Variants in CC2D2A observed in about 807,000 individuals in gnomAD.
CC2D2A encodes the protein coiled-coil and C2 domain-containing protein 2A.
Under a neutral mutation model 212.9 loss-of-function variants are expected in CC2D2A, and 155 were observed. The ratio of observed to expected loss-of-function variants is 0.73; its 90% CI spans 0.64 to 0.83. The LOEUF (loss-of-function observed/expected upper bound fraction) is 0.83. Ranked by LOEUF, CC2D2A falls within the 40% of genes least tolerant of loss-of-function variation. The probability of loss-of-function intolerance (pLI) is 0.00; values close to 1 mark genes in which losing one functional copy is unlikely to be tolerated. For missense variants in CC2D2A, 1,856 were observed against 1,956.2 expected, an observed-to-expected ratio of 0.95 and a Z score of 0.97; for synonymous variants, 667 against 686.5, an observed-to-expected ratio of 0.97 and a Z score of 0.44.
chr4:15,514,829 G>A lies in CC2D2A; in HGVS notation c.840G>A (p.Gln280=). The part of the protein sequence containing the change: ...ADYESIHDRL[Q]MEREMLFIPS... The stretch of plus-strand genomic sequence containing the variant: ...ATGAAAGCATCCATGATCGGCTGCA[G>A]ATGGAAAGAGAAATGCTCTTCATAC... The change falls in exon 9 of 37, where the codon CAG becomes CAA. Residue 280 remains glutamine, a synonymous_variant. Transcript: ENST00000424120. The A allele has an allele frequency of 8.7e-6, 14 of 1,613,966 alleles. No homozygotes were observed. Among genetic ancestry groups the A allele is most frequent in the Non-Finnish European group, 1.2e-5 (14 of 1,179,838 alleles).
At chr4:15,476,728 T>C (rs1577306368) in intron 2 of CC2D2A, among the ~76,000 whole-genome samples, 1 of 152,224 alleles carries the variant, frequency 6.6e-6, no homozygotes, top group African/African-American at 2.4e-5. Context: ...TGTAGACACC[T>C]GCTAATACAA....
At position 15,470,689 on chromosome 4, in the gene CC2D2A, C is replaced by A. The variant is rs6822234; in HGVS notation, c.-19+632C>A. On this transcript the variant is annotated intron_variant, in intron 1 of 36. Transcript: ENST00000424120. Reference sequence around the variant, plus strand: ...TCTCTCTCTCTCTCTCTCTCTCTCTCTATATATATATATATATATATATAT... The same window carrying A: ...TCTCTCTCTCTCTCTCTCTCTCTCTATATATATATATATATATATATATAT... Among the ~76,000 whole-genome samples the A allele has an allele frequency of 1.1e-3, 58 of 50,650 alleles. 1 individual carries two copies. The highest frequency in any genetic ancestry group is 3.3e-3 in the African/African-American group (36 of 10,892). 33.2% of individuals were successfully genotyped at this position (50,650 alleles called of 152,430 possible).
chr4:15,570,692 T>A (rs1443230618), intron 28 of CC2D2A, among the ~76,000 whole-genome samples, 196 bp downstream of exon 28: 1 of 152,036 alleles, frequency 6.6e-6, no homozygotes, highest in African/African-American at 2.4e-5. Flanking sequence ...CCATCTCTAC[T>A]AAAGATACAA....
Position 15,533,255 on chromosome 4 carries a change from TAA to T in CC2D2A, c.1532_1533del (p.Lys511SerfsTer29). On this transcript the variant is annotated frameshift_variant, in exon 14 of 37. Transcript: ENST00000424120. LOFTEE classifies it high-confidence loss of function. ...GATAGAACATTGCTTAAGACTATCA[TAA>T]AAGTTTGGAAAGAGATGAAATCCCT... 1 of 1,603,014 alleles carries T rather than the reference TAA, an allele frequency of 6.2e-7. No individual in the cohort carries two copies. The highest frequency in any genetic ancestry group is 1.1e-5 in the South Asian group (1 of 87,740).
At chr4:15,493,557 G>A (rs1012835567) in intron 4 of CC2D2A, among the ~76,000 whole-genome samples, 2 of 152,120 alleles carry the variant, frequency 1.3e-5, no homozygotes, top group African/African-American at 2.4e-5. Context: ...ACAGGCTTGA[G>A]TCACTGCATC....
chr4:15,483,674 C>T (rs1285824956), intron 4 of CC2D2A, among the ~76,000 whole-genome samples: 1 of 152,204 alleles, frequency 6.6e-6, no homozygotes, highest in Admixed American at 6.5e-5. Flanking sequence ...AATCCACACT[C>T]TCTTATTTAT....
At chr4:15,510,277 T>C in intron 7 of CC2D2A, 37 bp downstream of exon 7, 1 of 1,571,452 alleles carries the variant, frequency 6.4e-7, no homozygotes, top group Non-Finnish European at 8.7e-7. Flanking sequence ...TTTGTTTGTT[T>C]GTGTTTTTTA....
rs181506508 is a variant in CC2D2A, at chr4:15,509,252, T to C, written c.439-887T>C. Among the ~76,000 whole-genome samples the C allele has an allele frequency of 4.0e-5, 6 of 151,348 alleles. No individual in the cohort carries two copies. In the Admixed American group the frequency reaches 4.0e-4, roughly 10 times the overall value. On this transcript the variant is annotated intron_variant, in intron 6 of 36. Coordinates refer to ENST00000424120, the MANE Select transcript of CC2D2A (RefSeq NM_001378615.1). ...AAATGATCCTCTGTGAAGTGGATAA[T>C]CTTAATTTATAGGATGAGATAACAC...
At chr4:15,502,338 T>A (rs1715999032) in intron 4 of CC2D2A, 91 bp from the exon 5 acceptor site, 1 of 985,770 alleles carries the variant, frequency 1.0e-6, no homozygotes, top group Non-Finnish European at 1.5e-6. Flanking sequence ...CCTTCCCTTT[T>A]GGGGGGAGGG....
At chr4:15,490,952 C>A (rs530950842) in intron 4 of CC2D2A, among the ~76,000 whole-genome samples, 1 of 152,114 alleles carries the variant, frequency 6.6e-6, no homozygotes, top group African/African-American at 2.4e-5. Flanking sequence ...CCCCCTCACA[C>A]GGACCGCCTT....
chr4:15,567,501 C>G lies in CC2D2A; in HGVS notation c.3288+19C>G, dbSNP rs1719939929. The G allele has an allele frequency of 6.3e-7, 1 of 1,595,266 alleles. No individual in the cohort carries two copies. Among genetic ancestry groups the G allele is most frequent in the Non-Finnish European group, 8.6e-7 (1 of 1,165,918 alleles). On this transcript the variant is annotated intron_variant, in intron 25 of 36. Coordinates refer to ENST00000424120, the MANE Select transcript of CC2D2A (RefSeq NM_001378615.1). ...CGGCCAGGTGAGAGATGCTGGACTT[C>G]AGCTTTCCACCTTGCCCCTTAAGTT...
intron 29 of CC2D2A, among the ~76,000 whole-genome samples, chr4:15,575,162 TCAA>T (rs1204205577): frequency 6.6e-6 from 1 of 152,192 alleles, no homozygotes; most frequent in Non-Finnish European, 1.5e-5. Context: ...AGTAATAACA[TCAA>T]CAACAACCAC....
chr4:15,519,879 G>T, intron 11 of CC2D2A: 1 of 277,828 alleles, frequency 3.6e-6, no homozygotes, highest in Non-Finnish European at 7.3e-6. Flanking sequence ...AGTTTTGGGT[G>T]GGGACACAGC....
chr4:15,516,661 G>A lies in CC2D2A; in HGVS notation c.1054G>A (p.Ala352Thr), dbSNP rs1716888471. 6 of 1,613,126 alleles carry A rather than the reference G, an allele frequency of 3.7e-6. No individual in the cohort carries two copies. Among genetic ancestry groups the A allele is most frequent in the Non-Finnish European group, 5.1e-6 (6 of 1,179,418 alleles). The change falls in exon 11 of 37, where the codon GCT becomes ACT. Residue 352 changes from alanine to threonine, a missense_variant. Physicochemically the swap from Ala to Thr is moderately conservative, Grantham distance 58. Transcript: ENST00000424120. ...RWFGDDGRILALPNPIKPFPS... is the reference protein window; with the variant it reads ...RWFGDDGRILTLPNPIKPFPS... The stretch of plus-strand genomic sequence containing the variant: ...GTTTGGAGATGACGGCAGGATCCTA[G>A]CTCTGCCAAACCCCATCAAGCCATT...
chr4:15,579,077 T>G (rs1720538135), intron 29 of CC2D2A, among the ~76,000 whole-genome samples: 1 of 152,224 alleles, frequency 6.6e-6, no homozygotes, highest in African/African-American at 2.4e-5. Context: ...TTATTTTTGT[T>G]AGTAGCAGCT....
intron 3 of CC2D2A, chr4:15,479,350 G>C (rs1390204155): frequency 6.6e-7 from 1 of 1,513,224 alleles, no homozygotes; most frequent in Non-Finnish European, 8.9e-7. Context: ...GTAAGAAGTT[G>C]TCCTCTGAGA....
rs1716850134 is a variant in CC2D2A, at chr4:15,516,005, G to GT, written c.1017+2dup. The GT allele has an allele frequency of 1.3e-6, 2 of 1,590,048 alleles. No homozygotes were observed. Among genetic ancestry groups the GT allele is most frequent in the African/African-American group, 1.3e-5 (1 of 74,376 alleles). ...GAACAGATTGCTGATGCAGGACCCC[G>GT]TAAGTGTGCACCCTCTGCTCTCAGG... On this transcript the variant is annotated splice_donor_variant, in intron 10 of 36. Coordinates refer to ENST00000424120, the MANE Select transcript of CC2D2A (RefSeq NM_001378615.1). LOFTEE classifies it high-confidence loss of function.
At position 15,601,475 on chromosome 4, in the gene CC2D2A, G is replaced by A. The variant is rs968556847; in HGVS notation, c.*50G>A. ...CATGTAAAAACTACACTTAGGATAT[G>A]AGAAAATTTTAAATTATATGCATCA... is the stretch of plus-strand genomic sequence containing the variant. On this transcript the variant is annotated 3_prime_UTR_variant, in exon 37 of 37. Coordinates refer to ENST00000424120, the MANE Select transcript of CC2D2A (RefSeq NM_001378615.1). 18 of 1,205,090 alleles carry A rather than the reference G, an allele frequency of 1.5e-5. No individual in the cohort carries two copies. In the African/African-American group the frequency reaches 1.7e-4, roughly 11 times the overall value. 74.6% of individuals were successfully genotyped at this position (1,205,090 alleles called of 1,614,324 possible).
chr4:15,584,442 T>C (rs1720780083), intron 30 of CC2D2A, among the ~76,000 whole-genome samples: 1 of 152,086 alleles, frequency 6.6e-6, no homozygotes. Context: ...AAAAATGACA[T>C]CCACAGGCAG....
Sources: gnomAD v4.1 joint callset for allele counts (sites outside exome capture counted in the v4.1 genomes callset) on GRCh38, gnomAD v4.1.1 for gene constraint, MANE v1.5 for transcripts, NCBI Gene and HGNC (gene_info 2026-07-23, HGNC 2026-07-21) for gene names.